Variants in FBXO21 observed in about 807,000 individuals in gnomAD.
FBXO21 encodes the protein F-box protein 21.
FBXO21 carries 32 observed loss-of-function variants against 76.6 expected under a neutral mutation model. The ratio of observed to expected loss-of-function variants is 0.42; its 90% confidence interval spans 0.32 to 0.56. FBXO21 has a LOEUF of 0.56. FBXO21 is among the 20% of genes least tolerant of loss of function. FBXO21 has a pLI of 0.16. For missense variants in FBXO21, 586 were observed against 797.3 expected, an observed-to-expected ratio of 0.73 and a Z score of 3.19; for synonymous variants, 328 against 311.5, an observed-to-expected ratio of 1.05 and a Z score of -0.56.
intron 4 of FBXO21, among the ~76,000 whole-genome samples, chr12:117,176,603 A>AG (rs558966244): frequency 0.024 from 3,575 of 152,030 alleles, 144 homozygotes; most frequent in African/African-American, 0.083. Flanking sequence ...CTTGGAGGGA[A>AG]GGGGGGGTAA....
In FBXO21 at chr12:117,150,956, TTGTGTGTGTGTGTGTGTGTGTGTGTGTG is replaced by T. The variant is rs3999685; in HGVS notation, c.1676-4707_1676-4680del. On this transcript the variant is annotated intron_variant, in intron 11 of 11. Transcript: ENST00000622495. The stretch of plus-strand genomic sequence containing the variant: ...TTGAGTTTGGAAGTATCAAATAAGT[TTGTGTGTGTGTGTGTGTGTGTGTGTGTG>T]TGTGTGTGTGTGTGTGTGTCGGGCG... Among the ~76,000 whole-genome samples the T allele has an allele frequency of 3.2e-5, 3 of 94,652 alleles. No individual in the cohort carries two copies. The South Asian group carries it at 1.2e-3, about 37-fold the overall frequency. The allele number at this position is 94,652 out of a possible 152,430, so 62.1% of individuals were successfully genotyped here.
At chr12:117,174,570 CACACTA>C in intron 5 of FBXO21, 75 bp downstream of exon 5, 1 of 1,488,310 alleles carries the variant, frequency 6.7e-7, no homozygotes, top group Non-Finnish European at 9.2e-7. Context: ...ATAATGGCAG[CACACTA>C]ACAAATCTCT....
chr12:117,172,424 A>G, intron 7 of FBXO21, 47 bp downstream of exon 7: 5 of 1,592,822 alleles, frequency 3.1e-6, no homozygotes, highest in Non-Finnish European at 4.3e-6. Flanking sequence ...CTCAGCACAG[A>G]GGGACCAAAT....
chr12:117,170,876 T>C (rs187971091), intron 7 of FBXO21, among the ~76,000 whole-genome samples: 76 of 152,238 alleles, frequency 5.0e-4, no homozygotes, highest in African/African-American at 1.7e-3. Context: ...TTGGGGAGAT[T>C]GGTTGGGTTA....
chr12:117,182,033 C>T (rs1180813529), intron 3 of FBXO21, among the ~76,000 whole-genome samples: 1 of 152,140 alleles, frequency 6.6e-6, no homozygotes, highest in Admixed American at 6.6e-5. Context: ...ACATCATAAA[C>T]ACAAACTGAT....
chr12:117,189,055 T>C (rs1956318198), intron 2 of FBXO21, 172 bp downstream of exon 2: 4 of 713,832 alleles, frequency 5.6e-6, no homozygotes, highest in South Asian at 3.7e-5. Flanking sequence ...TGGCTTCGTG[T>C]TGTTGGATAG....
chr12:117,189,473 G>A lies in FBXO21; in HGVS notation c.240-111C>T, dbSNP rs7300968. ...AGCAGTGGCGTCCAGTGGTAAGAGG[G>A]ACCCCGGCGAGAGACCTAGTTCAAA... is the stretch of plus-strand genomic sequence containing the variant. On this transcript the variant is annotated intron_variant, in intron 1 of 11. Coordinates refer to ENST00000622495, the MANE Select transcript of FBXO21 (RefSeq NM_015002.3). The A allele has an allele frequency of 1.3e-3, 1,483 of 1,159,092 alleles. 17 individuals carry two copies. The African/African-American group carries it at 0.021, about 16-fold the overall frequency. The allele number at this position is 1,159,092 out of a possible 1,614,324, so 71.8% of individuals were successfully genotyped here.
rs761025781 is a variant in FBXO21 at position 117,142,673 on chromosome 12, C to CAAAAA, written c.*3409_*3413dup. The CAAAAA allele has an allele frequency of 1.6e-4, 16 of 100,674 alleles. No homozygotes were observed. The highest frequency in any genetic ancestry group is 4.1e-4 in the Admixed American group (4 of 9,702). 6.2% of individuals were successfully genotyped at this position (100,674 alleles called of 1,614,324 possible). On this transcript the variant is annotated 3_prime_UTR_variant, in exon 12 of 12. Transcript: ENST00000622495. ...TCCAGTTGATGTCTCTCCTTCCCTC[C>CAAAAA]AAAAAAAAAAAAAAAAAAAAAAGAC... is the stretch of plus-strand genomic sequence containing the variant.
At chr12:117,161,868 C>T (rs1955981166) in intron 9 of FBXO21, among the ~76,000 whole-genome samples, 1 of 152,108 alleles carries the variant, frequency 6.6e-6, no homozygotes, top group Non-Finnish European at 1.5e-5. Context: ...CAAAAGTAAC[C>T]GAGTGTTCCC....
intron 3 of FBXO21, among the ~76,000 whole-genome samples, chr12:117,183,177 T>C (rs962104032): frequency 1.9e-4 from 29 of 152,344 alleles, no homozygotes; most frequent in African/African-American, 6.3e-4. Flanking sequence ...CTATAATATA[T>C]GTCTTTACTA....
At chr12:117,167,360 G>T (rs918375147) in intron 7 of FBXO21, among the ~76,000 whole-genome samples, 1 of 152,184 alleles carries the variant, frequency 6.6e-6, no homozygotes, top group Non-Finnish European at 1.5e-5. Flanking sequence ...CTAAGATAAA[G>T]ATTTATGGAA....
At chr12:117,147,290 G>GAAAAAAA (rs144755940) in intron 11 of FBXO21, among the ~76,000 whole-genome samples, 1 of 85,080 alleles carries the variant, frequency 1.2e-5, no homozygotes, top group African/African-American at 4.8e-5. Context: ...TGAAAAAATG[G>GAAAAAAA]AAAAAAAAAA....
In FBXO21 at chr12:117,145,171, C is replaced by T. The variant is rs574425114; in HGVS notation, c.*916G>A. The T allele has an allele frequency of 2.0e-5, 3 of 147,916 alleles. No individual in the cohort carries two copies. The highest frequency in any genetic ancestry group is 3.0e-5 in the Non-Finnish European group (2 of 67,500). 9.2% of individuals were successfully genotyped at this position (147,916 alleles called of 1,614,324 possible). A position where few individuals can be genotyped will look rare whatever the true frequency, so the allele number is the denominator to read the frequency against. On this transcript the variant is annotated 3_prime_UTR_variant, in exon 12 of 12. Coordinates refer to ENST00000622495, the MANE Select transcript of FBXO21 (RefSeq NM_015002.3). ...GACCATGGAGTATGACTTCTAAGAG[C>T]AAACATTAACATCAGATTTGTATGT...
chr12:117,156,848 T>C (rs760452765), intron 10 of FBXO21, among the ~76,000 whole-genome samples: 1 of 152,176 alleles, frequency 6.6e-6, no homozygotes, highest in Non-Finnish European at 1.5e-5. Flanking sequence ...GAAGAACAAC[T>C]ACATATCATA....
At chr12:117,149,906 G>A (rs11068370) in intron 11 of FBXO21, among the ~76,000 whole-genome samples, 55,115 of 152,066 alleles carry the variant, frequency 0.36, 11,642 homozygotes, top group Admixed American at 0.54. Flanking sequence ...CATGGGCCCA[G>A]AACAAGATGC....
intron 11 of FBXO21, among the ~76,000 whole-genome samples, chr12:117,149,413 G>A (rs1955814321): frequency 6.6e-6 from 1 of 152,058 alleles, no homozygotes; most frequent in Admixed American, 6.6e-5. Flanking sequence ...ACCTGTCATT[G>A]GTAAACAGGA....
intron 3 of FBXO21, among the ~76,000 whole-genome samples, chr12:117,182,022 C>T (rs1236580513): frequency 6.6e-6 from 1 of 152,122 alleles, no homozygotes; most frequent in Admixed American, 6.5e-5. Context: ...GACCACATAG[C>T]ACATCATAAA....
Position 117,155,805 on chromosome 12 carries a change from C to G in FBXO21, c.1661G>C (p.Arg554Pro). The G allele has an allele frequency of 6.2e-7, 1 of 1,613,614 alleles. No homozygotes were observed. Residue 554 changes from arginine to proline, a missense_variant, in exon 11 of 12, where the codon CGA (arginine) becomes CCA (proline). By Grantham distance (103) the Arg-to-Pro change is moderately radical (BLOSUM62 -2). Transcript: ENST00000622495. ...YNVLVEDGSC[R>P]YAAQENLEYN... is the part of the protein sequence containing the mutation. ...CCGCCGCTTACCTTGGGCTGCGTATCGACAGGAGCCGTCCTCCACCAGCAC... is the reference window on the plus strand; with the variant it reads ...CCGCCGCTTACCTTGGGCTGCGTATGGACAGGAGCCGTCCTCCACCAGCAC...
chr12:117,180,366 A>G (rs1032714782), intron 3 of FBXO21, among the ~76,000 whole-genome samples: 28 of 152,244 alleles, frequency 1.8e-4, no homozygotes, highest in African/African-American at 6.8e-4. Context: ...GTACATATGC[A>G]CATGCACTTA....
Sources: allele counts gnomAD v4.1 joint callset (sites outside exome capture counted in the v4.1 genomes callset), GRCh38; gene constraint gnomAD v4.1.1; transcripts MANE v1.5; gene names NCBI Gene and HGNC (gene_info 2026-07-23, HGNC 2026-07-21).